Variants in GNAO1 observed in about 807,000 individuals in gnomAD.
GNAO1 encodes the protein G protein subunit alpha o1, also known as guanine nucleotide-binding protein G(o) subunit alpha.
For missense variants in GNAO1, 166 were observed against 478.7 expected (o/e 0.35, Z 6.10); for synonymous variants, 164 against 180.7 (o/e 0.91, Z 0.74).
At chr16:56,233,751 G>A (rs1453944078) in intron 2 of GNAO1, among the ~76,000 whole-genome samples, 1 of 152,218 alleles carries the variant, frequency 6.6e-6, no homozygotes, top group Non-Finnish European at 1.5e-5. Flanking sequence ...GCTTTTGAAG[G>A]GGGAGTGCTT....
chr16:56,309,965 G>A (rs2037437846), intron 3 of GNAO1, among the ~76,000 whole-genome samples: 1 of 152,196 alleles, frequency 6.6e-6, no homozygotes, highest in Admixed American at 6.5e-5. Flanking sequence ...CCCAGACATT[G>A]TTGGTACTAA....
Position 56,354,925 on chromosome 16 carries a change from C to T in GNAO1, c.937C>T (p.Arg313Cys). 1 of 1,613,240 alleles carries T rather than the reference C, an allele frequency of 6.2e-7. No individual in the cohort carries two copies. Among genetic ancestry groups the T allele is most frequent in the South Asian group, 1.1e-5 (1 of 91,064 alleles). Residue 313 changes from arginine (R) to cysteine (C), a missense_variant, in exon 8 of 9, where the codon CGC becomes TGC. Transcript: ENST00000262493. This position sits in a 1 kb window ranked among gnomAD's most constrained non-coding sequence, Gnocchi z 4.3. ...YIQAQFESKN[R>C]SPNKEIYCHM... The stretch of plus-strand genomic sequence containing the variant: ...CCAAGCACAATTTGAAAGCAAAAAC[C>T]GCTCACCCAACAAAGAAATATATTG...
intron 2 of GNAO1, among the ~76,000 whole-genome samples, chr16:56,215,183 G>A (rs1397178874): frequency 6.6e-6 from 1 of 152,216 alleles, no homozygotes; most frequent in Admixed American, 6.5e-5. Context: ...TCCATGGGGT[G>A]TTCCTCTGGA....
intron 3 of GNAO1, among the ~76,000 whole-genome samples, chr16:56,310,794 C>A (rs1293009450): frequency 6.6e-6 from 1 of 152,062 alleles, no homozygotes; most frequent in Non-Finnish European, 1.5e-5. Context: ...TAGGTTATTT[C>A]TTGCTCATCT....
intron 2 of GNAO1, among the ~76,000 whole-genome samples, chr16:56,273,095 A>G (rs2037032834): frequency 6.6e-6 from 1 of 152,236 alleles, no homozygotes. Context: ...ATATTATATT[A>G]ATACTACTTT....
At chr16:56,327,557 G>C (rs942736599) in intron 3 of GNAO1, among the ~76,000 whole-genome samples, 12 of 152,238 alleles carry the variant, frequency 7.9e-5, no homozygotes, top group African/African-American at 2.9e-4. Context: ...GCAAGGTGGC[G>C]GTGACGGTGC....
At chr16:56,233,961 C>T (rs2036613958) in intron 2 of GNAO1, among the ~76,000 whole-genome samples, 1 of 152,224 alleles carries the variant, frequency 6.6e-6, no homozygotes, top group Non-Finnish European at 1.5e-5. Flanking sequence ...GCTGTGCTGA[C>T]CCGGCTCTGC....
chr16:56,336,586 T>C, intron 5 of GNAO1, 145 bp from the exon 6 acceptor site: 1 of 662,702 alleles, frequency 1.5e-6, no homozygotes, highest in Admixed American at 2.9e-5. Flanking sequence ...TCACCTGGAG[T>C]GACAAGGTCT....
intron 6 of GNAO1, among the ~76,000 whole-genome samples, chr16:56,339,482 C>T (rs996827380): frequency 4.6e-5 from 7 of 152,246 alleles, no homozygotes; most frequent in African/African-American, 1.2e-4. Context: ...AGAGCCAGGC[C>T]CCAGGAACTC....
intron 2 of GNAO1, among the ~76,000 whole-genome samples, chr16:56,253,118 C>T (rs149018554): frequency 3.8e-4 from 58 of 152,324 alleles, no homozygotes; most frequent in African/African-American, 1.3e-3. Context: ...GAGCAGAGAA[C>T]AGCTGCTCCT....
intron 3 of GNAO1, among the ~76,000 whole-genome samples, chr16:56,320,417 G>GAGA (rs1293049299): frequency 6.6e-6 from 1 of 152,208 alleles, no homozygotes; most frequent in East Asian, 1.9e-4. Context: ...TGATGGTGCT[G>GAGA]TCATCCCCAT....
intron 2 of GNAO1, among the ~76,000 whole-genome samples, chr16:56,232,191 TA>T (rs751706800): frequency 6.6e-6 from 1 of 151,998 alleles, no homozygotes; most frequent in Non-Finnish European, 1.5e-5. Context: ...CCTACAAAAA[TA>T]AAAAAAATTC....
chr16:56,192,834 G>C (rs2036192520), intron 2 of GNAO1: 1 of 563,992 alleles, frequency 1.8e-6, no homozygotes, highest in Admixed American at 3.0e-5. Context: ...TTTTTTGGGA[G>C]GGGGAAGGGG....
chr16:56,293,283 G>A (rs1480432671), intron 3 of GNAO1, among the ~76,000 whole-genome samples: 7 of 152,248 alleles, frequency 4.6e-5, no homozygotes, highest in African/African-American at 1.7e-4. Flanking sequence ...CTGCTGGGGT[G>A]ACAGGTCCAT....
At chr16:56,301,889 A>G (rs1444002025) in intron 3 of GNAO1, 1 of 152,036 alleles carries the variant, frequency 6.6e-6, no homozygotes. Flanking sequence ...ACCACCCCCA[A>G]TTTACAGACG....
intron 6 of GNAO1, among the ~76,000 whole-genome samples, chr16:56,337,982 G>A (rs2037759634): frequency 6.6e-6 from 1 of 152,200 alleles, no homozygotes; most frequent in East Asian, 1.9e-4. Flanking sequence ...GAGGGTTTGA[G>A]GTTGGAGGTG....
chr16:56,254,862 C>A (rs990129463), intron 2 of GNAO1, among the ~76,000 whole-genome samples: 1 of 152,112 alleles, frequency 6.6e-6, no homozygotes. Context: ...AGGTTACATT[C>A]TTTTTCCCTT....
intron 3 of GNAO1, among the ~76,000 whole-genome samples, chr16:56,284,307 C>T (rs905331165): frequency 4.6e-5 from 7 of 152,128 alleles, no homozygotes; most frequent in Non-Finnish European, 1.0e-4. Context: ...GGGCTCAGTG[C>T]AGCATCAGCA....
intron 3 of GNAO1, among the ~76,000 whole-genome samples, chr16:56,287,607 C>T (rs964879472): frequency 4.6e-5 from 7 of 152,236 alleles, no homozygotes; most frequent in Non-Finnish European, 8.8e-5. Flanking sequence ...AGGGCCAGGA[C>T]AGGAGCCTGG....
Sources: allele counts gnomAD v4.1 joint callset (sites outside exome capture counted in the v4.1 genomes callset), GRCh38; gene constraint gnomAD v4.1.1; non-coding constraint Gnocchi (gnomAD v3.1); transcripts MANE v1.5; gene names NCBI Gene and HGNC (gene_info 2026-07-23, HGNC 2026-07-21).